Variants in GALNT17 observed in about 807,000 individuals in gnomAD.
The protein encoded by GALNT17 is polypeptide N-acetylgalactosaminyltransferase 17.
Under a neutral mutation model 63.7 loss-of-function variants are expected in GALNT17, and 29 were observed. The ratio of observed to expected loss-of-function variants is 0.46; its 90% confidence interval spans 0.34 to 0.62. The LOEUF (loss-of-function observed/expected upper bound fraction) is 0.62, where lower values mean the gene tolerates loss of function less well. Ranked by LOEUF, GALNT17 falls within the 20% of genes least tolerant of loss-of-function variation. The probability of loss-of-function intolerance (pLI) is 0.01; values close to 1 mark genes in which losing one functional copy is unlikely to be tolerated. For missense variants in GALNT17, 603 were observed against 799.6 expected (o/e 0.75, Z 2.97); for synonymous variants, 305 against 318.3 (o/e 0.96, Z 0.45).
intron 1 of GALNT17, among the ~76,000 whole-genome samples, chr7:71,154,599 C>T (rs10264337): frequency 0.077 from 11,742 of 152,096 alleles, 553 homozygotes; most frequent in Middle Eastern, 0.13. Context: ...TTTTTGGAGA[C>T]GGAGTCTCAC....
rs141114923 is a variant in GALNT17, at chr7:71,229,509, C to G, written c.238+96469C>G. Among the ~76,000 whole-genome samples, 463 of 152,320 alleles carry G rather than the reference C, an allele frequency of 3.0e-3. 2 individuals carry two copies. Among genetic ancestry groups the G allele is most frequent in the African/African-American group, 0.01 (425 of 41,570 alleles). On this transcript the variant is annotated intron_variant, in intron 1 of 10. Coordinates refer to ENST00000333538, the MANE Select transcript of GALNT17 (RefSeq NM_022479.3). Reference sequence around the variant, plus strand: ...TTTGGTGGTGGTTGTGAGCTTGGCTCTCTGATAGCCGATGAGTCTGAAGAG... The same window carrying G: ...TTTGGTGGTGGTTGTGAGCTTGGCTGTCTGATAGCCGATGAGTCTGAAGAG...
At chr7:71,329,506 A>C (rs1306259669) in intron 1 of GALNT17, among the ~76,000 whole-genome samples, 1 of 152,032 alleles carries the variant, frequency 6.6e-6, no homozygotes, top group Non-Finnish European at 1.5e-5. Flanking sequence ...AAACTACCCG[A>C]GACTGTGTAA....
intron 2 of GALNT17, among the ~76,000 whole-genome samples, chr7:71,362,310 C>G (rs977264175): frequency 6.6e-6 from 1 of 152,160 alleles, no homozygotes; most frequent in Non-Finnish European, 1.5e-5. Flanking sequence ...TACAAACTTA[C>G]ATTCTGCCCC....
At position 71,491,985 on chromosome 7, in the gene GALNT17, A is replaced by C. The variant is rs138154986; in HGVS notation, c.962+70880A>C. 8.0e-3 allele frequency among the ~76,000 whole-genome samples: 1,215 copies of C among 152,228 alleles called. 7 individuals carry two copies. Among genetic ancestry groups the C allele is most frequent in the Admixed American group, 0.011 (175 of 15,282 alleles). ...AGCCTGGGTAACATGGCGAGAGTCC[A>C]TCTCAAATAAAATAGGCTGGGCACA... On this transcript the variant is annotated intron_variant, in intron 5 of 10. Coordinates refer to ENST00000333538, the MANE Select transcript of GALNT17 (RefSeq NM_022479.3).
intron 5 of GALNT17, among the ~76,000 whole-genome samples, chr7:71,531,716 A>G (rs1219805631): frequency 2.0e-5 from 3 of 152,120 alleles, no homozygotes; most frequent in Non-Finnish European, 4.4e-5. Context: ...CAGCCTCCCA[A>G]GTAGCTGGGA....
At chr7:71,226,911 T>C (rs926605304) in intron 1 of GALNT17, among the ~76,000 whole-genome samples, 1 of 152,178 alleles carries the variant, frequency 6.6e-6, no homozygotes, top group African/African-American at 2.4e-5. Flanking sequence ...CCCTGCCCCC[T>C]TCCTATGACA....
chr7:71,400,893 G>C (rs1405362551), intron 3 of GALNT17, among the ~76,000 whole-genome samples: 1 of 152,168 alleles, frequency 6.6e-6, no homozygotes, highest in East Asian at 1.9e-4. Context: ...AATGGGATAT[G>C]CTAAGAATTA....
intron 5 of GALNT17, among the ~76,000 whole-genome samples, chr7:71,484,604 T>C (rs990293027): frequency 6.6e-5 from 10 of 152,148 alleles, no homozygotes; most frequent in African/African-American, 2.4e-4. Context: ...GCTATGATGT[T>C]ATGGCAGCTA....
intron 5 of GALNT17, among the ~76,000 whole-genome samples, chr7:71,508,548 G>A (rs930148593): frequency 6.6e-6 from 1 of 152,014 alleles, no homozygotes; most frequent in Non-Finnish European, 1.5e-5. Context: ...GTGAGCACAC[G>A]CAGCACCCCC....
intron 2 of GALNT17, among the ~76,000 whole-genome samples, chr7:71,345,394 C>CTTATAAATCCAGATG (rs1356926244): frequency 1.3e-5 from 2 of 152,180 alleles, no homozygotes; most frequent in Non-Finnish European, 2.9e-5. Context: ...TGGCCTCCTG[C>CTTATAAATCCAGATG]TTATAAATCC....
chr7:71,406,790 T>G (rs1422335601), intron 3 of GALNT17, among the ~76,000 whole-genome samples: 1 of 151,104 alleles, frequency 6.6e-6, no homozygotes, highest in African/African-American at 2.4e-5. Flanking sequence ...TGGAGTGCAG[T>G]GGTGCAATCA....
At chr7:71,202,548 G>A (rs61531113) in intron 1 of GALNT17, among the ~76,000 whole-genome samples, 19,402 of 151,992 alleles carry the variant, frequency 0.13, 1,515 homozygotes, top group African/African-American at 0.21. Flanking sequence ...TCTTTATTAG[G>A]TACACTGTAA....
At chr7:71,502,805 A>G (rs1375404699) in intron 5 of GALNT17, among the ~76,000 whole-genome samples, 2 of 152,190 alleles carry the variant, frequency 1.3e-5, no homozygotes, top group African/African-American at 4.8e-5. Context: ...TTGTGAACAA[A>G]TATATTGTTT....
intron 1 of GALNT17, among the ~76,000 whole-genome samples, chr7:71,196,955 A>G (rs1585873884): frequency 6.7e-6 from 1 of 149,300 alleles, no homozygotes; most frequent in Non-Finnish European, 1.5e-5. Flanking sequence ...TGCCCCGCCA[A>G]TTTTTTTTTA....
chr7:71,216,189 C>T (rs1268456787), intron 1 of GALNT17, among the ~76,000 whole-genome samples: 1 of 152,032 alleles, frequency 6.6e-6, no homozygotes, highest in African/African-American at 2.4e-5. Context: ...TGCACTTCAG[C>T]ATGGGCAACA....
intron 1 of GALNT17, among the ~76,000 whole-genome samples, chr7:71,248,837 A>G (rs140722469): frequency 6.6e-6 from 1 of 152,326 alleles, no homozygotes; most frequent in African/African-American, 2.4e-5. Flanking sequence ...AGGACTTGTC[A>G]TAGTCACTCA....
At chr7:71,548,031 C>T (rs1314204522) in intron 5 of GALNT17, among the ~76,000 whole-genome samples, 2 of 151,938 alleles carry the variant, frequency 1.3e-5, no homozygotes, top group Non-Finnish European at 2.9e-5. Context: ...AGTTCAAAAC[C>T]AGCCTGACCA....
At position 71,146,592 on chromosome 7, in the gene GALNT17, C is replaced by G. The variant is rs547035606; in HGVS notation, c.238+13552C>G. On this transcript the variant is annotated intron_variant, in intron 1 of 10. Coordinates refer to ENST00000333538, the MANE Select transcript of GALNT17 (RefSeq NM_022479.3). ...AGAGGGAGTGCTCACTGCCTTCCCT[C>G]CCTTCTCCCTCCCTCCCTCGCCGCC... Among the ~76,000 whole-genome samples, 13 of 152,218 alleles carry G rather than the reference C, an allele frequency of 8.5e-5. No homozygotes were observed. In the South Asian group the frequency reaches 2.7e-3, roughly 32 times the overall value.
intron 9 of GALNT17, among the ~76,000 whole-genome samples, chr7:71,705,241 G>T (rs565209451): frequency 4.9e-4 from 75 of 151,710 alleles, no homozygotes; most frequent in Non-Finnish European, 8.8e-4. Flanking sequence ...GATATAAAAC[G>T]GTCAATAAGC....
Sources: allele counts gnomAD v4.1 joint callset (sites outside exome capture counted in the v4.1 genomes callset), GRCh38; gene constraint gnomAD v4.1.1; transcripts MANE v1.5; gene names NCBI Gene and HGNC (gene_info 2026-07-23, HGNC 2026-07-21).